The following ARK2C variants were observed in gnomAD, a reference collection of about 807,000 sequenced individuals.
The protein encoded by ARK2C is E3 ubiquitin-protein ligase ARK2C.
chr18:46,392,629 C>T, the ARK2C span, among the ~76,000 whole-genome samples: 8 of 152,148 alleles, frequency 5.3e-5, no homozygotes, highest in African/African-American at 1.7e-4. Flanking sequence ...TGGGGAAGAC[C>T]CATGGAGTGA....
the ARK2C span, among the ~76,000 whole-genome samples, chr18:46,440,274 G>A: frequency 8.6e-6 from 1 of 116,094 alleles, no homozygotes; most frequent in Non-Finnish European, 2.0e-5. Context: ...TTGAGAGACT[G>A]AGAGAGAGAG....
At chr18:46,447,189 C>T in the ARK2C span, among the ~76,000 whole-genome samples, 1 of 152,150 alleles carries the variant, frequency 6.6e-6, no homozygotes, top group East Asian at 1.9e-4. Context: ...AGCCTCAGCT[C>T]CCTCCTCCAC....
At chr18:46,394,514 C>G in the ARK2C span, among the ~76,000 whole-genome samples, 2 of 152,218 alleles carry the variant, frequency 1.3e-5, no homozygotes, top group African/African-American at 4.8e-5. Flanking sequence ...ACCTTCCCCC[C>G]AGCCAGGCTG....
At chr18:46,349,197 A>G in the ARK2C span, among the ~76,000 whole-genome samples, 3 of 152,296 alleles carry the variant, frequency 2.0e-5, no homozygotes, top group African/African-American at 7.2e-5. Context: ...CTGCAGTAAC[A>G]AAATGCCATA....
At chr18:46,339,547 T>C in the ARK2C span, among the ~76,000 whole-genome samples, 1 of 152,228 alleles carries the variant, frequency 6.6e-6, no homozygotes, top group South Asian at 2.1e-4. Context: ...GTTCTTTATA[T>C]TTATTCTCTC....
the ARK2C span, among the ~76,000 whole-genome samples, chr18:46,417,840 C>A: frequency 6.6e-6 from 1 of 151,302 alleles, no homozygotes; most frequent in African/African-American, 2.4e-5. Flanking sequence ...CCCGTCTCTA[C>A]TAAAAATACA....
At chr18:46,399,347 C>T in the ARK2C span, among the ~76,000 whole-genome samples, 345 of 152,326 alleles carry the variant, frequency 2.3e-3, 2 homozygotes, top group African/African-American at 8.0e-3. Flanking sequence ...TCAAAGGATG[C>T]TGGGGTGCTG....
At chr18:46,346,112 G>A in the ARK2C span, among the ~76,000 whole-genome samples, 7 of 152,156 alleles carry the variant, frequency 4.6e-5, no homozygotes, top group Non-Finnish European at 1.0e-4. Context: ...AGGACAGCTT[G>A]GGTTTAACTG....
chr18:46,347,875 T>G, the ARK2C span, among the ~76,000 whole-genome samples: 1 of 152,126 alleles, frequency 6.6e-6, no homozygotes, highest in Non-Finnish European at 1.5e-5. Context: ...ATGGATTTGT[T>G]CAGCTCATCT....
the ARK2C span, among the ~76,000 whole-genome samples, chr18:46,434,729 G>T: frequency 6.6e-6 from 1 of 152,172 alleles, no homozygotes; most frequent in South Asian, 2.1e-4. Flanking sequence ...ATGACCATAG[G>T]GCTTGGGATG....
the ARK2C span, among the ~76,000 whole-genome samples, chr18:46,401,853 A>G: frequency 6.6e-6 from 1 of 152,216 alleles, no homozygotes; most frequent in South Asian, 2.1e-4. Flanking sequence ...GCTCTGGTTG[A>G]AGGGCCGGAG....
chr18:46,441,663 CAGATCATGAGGTCAGG>C, the ARK2C span, among the ~76,000 whole-genome samples: 2 of 151,286 alleles, frequency 1.3e-5, no homozygotes, highest in Non-Finnish European at 2.9e-5. Flanking sequence ...CTGAGGCAGG[CAGATCATGAGGTCAGG>C]AGATCCAGAC....
chr18:46,346,532 C>T, the ARK2C span, among the ~76,000 whole-genome samples: 1 of 152,212 alleles, frequency 6.6e-6, no homozygotes, highest in Non-Finnish European at 1.5e-5. Context: ...GCAAAGAATA[C>T]ACAGATTTTG....
chr18:46,340,788 G>C, the ARK2C span, among the ~76,000 whole-genome samples: 1 of 152,216 alleles, frequency 6.6e-6, no homozygotes, highest in Non-Finnish European at 1.5e-5. Context: ...GGATGTGCTA[G>C]ACAGTTGCCC....
chr18:46,382,868 C>T, the ARK2C span, among the ~76,000 whole-genome samples: 2 of 152,252 alleles, frequency 1.3e-5, no homozygotes, highest in African/African-American at 4.8e-5. Context: ...GCACCCATCC[C>T]TCCTGGACCG....
At chr18:46,451,582 G>T in the ARK2C span, among the ~76,000 whole-genome samples, 1 of 152,080 alleles carries the variant, frequency 6.6e-6, no homozygotes, top group Non-Finnish European at 1.5e-5. Context: ...ATCACTTTGG[G>T]CCAGGAATTC....
At chr18:46,364,490 C>T in the ARK2C span, among the ~76,000 whole-genome samples, 1 of 152,082 alleles carries the variant, frequency 6.6e-6, no homozygotes, top group South Asian at 2.1e-4. Flanking sequence ...CCCAGAGAAC[C>T]CTTCGTGATG....
chr18:46,405,228 T>A, the ARK2C span, among the ~76,000 whole-genome samples: 1 of 152,136 alleles, frequency 6.6e-6, no homozygotes, highest in Non-Finnish European at 1.5e-5. Context: ...AATGTGTAGC[T>A]CAGAGGTCAG....
chr18:46,340,477 C>T, the ARK2C span, among the ~76,000 whole-genome samples: 3 of 152,154 alleles, frequency 2.0e-5, no homozygotes, highest in Non-Finnish European at 4.4e-5. Flanking sequence ...GAAATGGAGA[C>T]CTGAGTGCCT....
Sources: gnomAD v4.1 joint callset for allele counts (sites outside exome capture counted in the v4.1 genomes callset) on GRCh38, gnomAD v4.1.1 for gene constraint, MANE v1.5 for transcripts, NCBI Gene and HGNC (gene_info 2026-07-23, HGNC 2026-07-21) for gene names.